Variants in NRG1 observed in about 807,000 individuals in gnomAD.
NRG1 encodes the protein neuregulin 1, also known as pro-neuregulin-1, membrane-bound isoform.
NRG1 carries 18 observed loss-of-function variants against 63.8 expected under a neutral mutation model. That is an observed-to-expected ratio of 0.28 (90% CI 0.19 to 0.42). The LOEUF is 0.42. Among genes scored for constraint, NRG1 ranks in the 10% least tolerant of loss-of-function variants. The pLI is 1.00. For missense variants in NRG1, 762 were observed against 814.7 expected (o/e 0.94, Z 0.79); for synonymous variants, 302 against 301.3 (o/e 1.00, Z -0.02).
intron 1 of NRG1, among the ~76,000 whole-genome samples, chr8:32,020,635 A>T (rs890394866): frequency 8.5e-5 from 13 of 152,206 alleles, no homozygotes; most frequent in African/African-American, 3.1e-4. Context: ...AACAATGTAC[A>T]TTTGGCTATT....
At chr8:31,857,478 G>A (rs901564394) in intron 1 of NRG1, among the ~76,000 whole-genome samples, 15 of 152,286 alleles carry the variant, frequency 9.8e-5, no homozygotes, top group East Asian at 5.8e-4. Context: ...GGCTCGCGCA[G>A]GGTATGCGCA....
chr8:31,880,556 T>G (rs1043956160), intron 1 of NRG1, among the ~76,000 whole-genome samples: 7 of 152,170 alleles, frequency 4.6e-5, no homozygotes, highest in Non-Finnish European at 8.8e-5. Flanking sequence ...ACCCAGTGCA[T>G]AGGTGTTCTC....
intron 1 of NRG1, among the ~76,000 whole-genome samples, chr8:32,288,860 TTTG>T (rs1265611828): frequency 1.3e-5 from 2 of 152,090 alleles, no homozygotes; most frequent in African/African-American, 2.4e-5. Context: ...CTCTTTAGCT[TTTG>T]TTGATTTTTT....
chr8:31,860,658 A>G (rs990584936), intron 1 of NRG1, among the ~76,000 whole-genome samples: 4 of 152,200 alleles, frequency 2.6e-5, no homozygotes, highest in Admixed American at 2.6e-4. Context: ...GTCAGGGCAA[A>G]GAGAGAATAA....
At chr8:31,928,609 A>G (rs369295095) in intron 1 of NRG1, among the ~76,000 whole-genome samples, 11 of 147,620 alleles carry the variant, frequency 7.5e-5, no homozygotes, top group Non-Finnish European at 1.0e-4. Context: ...TGGTGCGTGC[A>G]TGTGTGTGTG....
chr8:32,205,480 A>G (rs1317958957), intron 1 of NRG1, among the ~76,000 whole-genome samples: 2 of 152,192 alleles, frequency 1.3e-5, no homozygotes, highest in Non-Finnish European at 2.9e-5. Context: ...CATGAGAAAT[A>G]AAACGCAGGT....
At chr8:32,682,362 T>G (rs1308572784) in intron 5 of NRG1, among the ~76,000 whole-genome samples, 1 of 152,190 alleles carries the variant, frequency 6.6e-6, no homozygotes, top group African/African-American at 2.4e-5. Context: ...ATCATCTGTC[T>G]TCCCATGATC....
chr8:32,655,204 C>A (rs2129548218), intron 5 of NRG1, among the ~76,000 whole-genome samples: 1 of 152,218 alleles, frequency 6.6e-6, no homozygotes, highest in African/African-American at 2.4e-5. Context: ...GGTTTGGTAA[C>A]AATGCCTGGA....
At chr8:31,869,336 T>C (rs947321963) in intron 1 of NRG1, among the ~76,000 whole-genome samples, 1 of 152,188 alleles carries the variant, frequency 6.6e-6, no homozygotes, top group East Asian at 1.9e-4. Flanking sequence ...CTTGTACTCC[T>C]GCTGGTGGTG....
chr8:32,044,913 C>CAGAAAAAAAAAAAAAAAAAAAA (rs1820706247), intron 1 of NRG1, among the ~76,000 whole-genome samples: 1 of 57,120 alleles, frequency 1.8e-5, no homozygotes, highest in Non-Finnish European at 3.4e-5. Flanking sequence ...TAAAGAAAAG[C>CAGAAAAAAAAAAAAAAAAAAAA]AAAAAAAAAA....
intron 9 of NRG1, among the ~76,000 whole-genome samples, chr8:32,757,329 G>C (rs548695106): frequency 6.6e-6 from 1 of 152,184 alleles, no homozygotes; most frequent in Non-Finnish European, 1.5e-5. Flanking sequence ...TTATATTCCA[G>C]CATCATCCTT....
At chr8:31,825,472 GGA>G (rs1194496735) in intron 1 of NRG1, among the ~76,000 whole-genome samples, 1 of 152,166 alleles carries the variant, frequency 6.6e-6, no homozygotes, top group Non-Finnish European at 1.5e-5. Flanking sequence ...AGCAGGGAAA[GGA>G]GAGTGTCTGA....
intron 1 of NRG1, among the ~76,000 whole-genome samples, chr8:32,449,287 A>T (rs1820672014): frequency 6.6e-6 from 1 of 152,052 alleles, no homozygotes; most frequent in Admixed American, 6.6e-5. Flanking sequence ...ACAGAGCAAG[A>T]CCTTGTCTCA....
chr8:31,995,393 G>A (rs1811798193), intron 1 of NRG1, among the ~76,000 whole-genome samples: 1 of 151,868 alleles, frequency 6.6e-6, no homozygotes, highest in African/African-American at 2.4e-5. Flanking sequence ...CTATAATCCT[G>A]CAGAGTTTTT....
rs188493255 is a variant in NRG1 at position 32,697,990 on chromosome 8, G to A, written c.503-29959G>A. ...TGGGAGGCCAAGGCAGGCAGATCAC[G>A]AGGTCAAGAGATCGTGACCATCCTG... On this transcript the variant is annotated intron_variant, in intron 5 of 11. Transcript: ENST00000356819. Among the ~76,000 whole-genome samples, 10 of 152,206 alleles carry A rather than the reference G, an allele frequency of 6.6e-5. No homozygotes were observed. In the East Asian group the frequency reaches 1.2e-3, roughly 18 times the overall value.
intron 1 of NRG1, among the ~76,000 whole-genome samples, chr8:31,790,998 G>A (rs1267160209): frequency 6.6e-6 from 1 of 152,016 alleles, no homozygotes; most frequent in Non-Finnish European, 1.5e-5. Flanking sequence ...ATCACTTGAG[G>A]TCAGGAGTTG....
At chr8:32,031,759 G>A (rs970239281) in intron 1 of NRG1, among the ~76,000 whole-genome samples, 1 of 152,090 alleles carries the variant, frequency 6.6e-6, no homozygotes, top group Non-Finnish European at 1.5e-5. Flanking sequence ...ATGGCTTCCA[G>A]CTCCATCCAT....
chr8:32,149,815 G>A (rs1837301038), intron 1 of NRG1, among the ~76,000 whole-genome samples: 2 of 152,276 alleles, frequency 1.3e-5, no homozygotes, highest in Admixed American at 1.3e-4. Flanking sequence ...CTAGATGTCA[G>A]TGTCCCAATT....
intron 1 of NRG1, chr8:32,442,421 C>T (rs1819667826): frequency 6.6e-6 from 1 of 152,222 alleles, no homozygotes; most frequent in South Asian, 2.1e-4. Context: ...GGCTTCATGA[C>T]TTTCTGGTTC....
Sources: allele counts gnomAD v4.1 joint callset (sites outside exome capture counted in the v4.1 genomes callset), GRCh38; gene constraint gnomAD v4.1.1; transcripts MANE v1.5; gene names NCBI Gene and HGNC (gene_info 2026-07-23, HGNC 2026-07-21).